ARRB2: variants seen among roughly 807,000 people sequenced by gnomAD.
ARRB2 encodes arrestin beta 2, also known as beta-arrestin-2.
A neutral mutation model predicts 53.4 loss-of-function variants in ARRB2; 21 were observed. That is an observed-to-expected ratio of 0.39 (90% CI 0.28 to 0.57). The LOEUF is 0.57. Ranked by LOEUF, ARRB2 falls within the 20% of genes least tolerant of loss-of-function variation. ARRB2 has a pLI of 0.55. For synonymous variants in ARRB2, 180 were observed against 212.9 expected (o/e 0.85, Z 1.34); for missense variants, 369 against 527.5 (o/e 0.70, Z 2.94).
At chr17:4,712,567 A>C (rs962076964) in intron 1 of ARRB2, among the ~76,000 whole-genome samples, 2 of 152,218 alleles carry the variant, frequency 1.3e-5, no homozygotes, top group Non-Finnish European at 2.9e-5. Context: ...GCAGGATTTC[A>C]CGTTTCTGCT....
chr17:4,719,268 T>C lies in ARRB2; in HGVS notation c.780-15T>C. ...AGCGCCCCTAAGCATCTTGTTCTCT[T>C]GTCCCCACCCCCAGTGACCAGGTAT... On this transcript the variant is annotated splice_polypyrimidine_tract_variant and intron_variant, in intron 10 of 14. Coordinates refer to ENST00000269260, the MANE Select transcript of ARRB2 (RefSeq NM_004313.4). 1 of 1,606,210 alleles carries C rather than the reference T, an allele frequency of 6.2e-7. No homozygotes were observed. Among genetic ancestry groups the C allele is most frequent in the Non-Finnish European group, 8.5e-7 (1 of 1,174,708 alleles).
Position 4,719,541 on chromosome 17 carries a change from C to T in ARRB2, c.917+121C>T, listed in dbSNP as rs1030229628. The T allele has an allele frequency of 1.1e-5, 16 of 1,402,332 alleles. No individual in the cohort carries two copies. In the African/African-American group the frequency reaches 1.9e-4, roughly 16 times the overall value. 86.9% of individuals were successfully genotyped at this position (1,402,332 alleles called of 1,614,324 possible). On this transcript the variant is annotated intron_variant, in intron 11 of 14. Coordinates refer to ENST00000269260, the MANE Select transcript of ARRB2 (RefSeq NM_004313.4). ...AAGAGACAAAAAGAACTCTTACATT[C>T]TAGGGGAGGGAGGATAGCCAAATCT... is the stretch of plus-strand genomic sequence containing the variant.
Position 4,717,742 on chromosome 17 carries a change from A to G in ARRB2, c.475A>G (p.Ser159Gly). 1 of 1,612,938 alleles carries G rather than the reference A, an allele frequency of 6.2e-7. No individual in the cohort carries two copies. Among genetic ancestry groups the G allele is most frequent in the Non-Finnish European group, 8.5e-7 (1 of 1,179,568 alleles). ...AFCAKSLEEK[S>G]HKRNSVRLVI... Reference sequence around the variant, plus strand: ...CTGTGCTAAATCACTAGAAGAGAAAAGCCACAAAAGGTAAGGGAAGTGACC... The same window carrying G: ...CTGTGCTAAATCACTAGAAGAGAAAGGCCACAAAAGGTAAGGGAAGTGACC... The change falls in exon 7 of 15, where the codon AGC becomes GGC. Residue 159 changes from serine to glycine, a missense_variant. Physicochemically the swap from Ser to Gly is moderately conservative, Grantham distance 56. Coordinates refer to ENST00000269260, the MANE Select transcript of ARRB2 (RefSeq NM_004313.4). This position sits in a 1 kb window ranked among gnomAD's most constrained non-coding sequence, Gnocchi z 6.0.
At chr17:4,715,655 A>C in intron 2 of ARRB2, 1 of 429,436 alleles carries the variant, frequency 2.3e-6, no homozygotes, top group South Asian at 2.4e-5. Context: ...ACACACATGC[A>C]CATACATGTT....
At chr17:4,715,388 C>G in intron 2 of ARRB2, 1 of 369,662 alleles carries the variant, frequency 2.7e-6, no homozygotes, top group Non-Finnish European at 5.0e-6. Context: ...CCTATTTATC[C>G]TAGAGCCCCT....
At chr17:4,712,784 A>G (rs888976915) in intron 1 of ARRB2, among the ~76,000 whole-genome samples, 2 of 152,254 alleles carry the variant, frequency 1.3e-5, no homozygotes, top group African/African-American at 4.8e-5. Context: ...CAAACTATTT[A>G]TGCCAACTGC....
rs1393978434 is a variant in ARRB2, at chr17:4,715,715, AC to A, written c.55-257del. Reference sequence around the variant, plus strand: ...TGAGGACACACACACACACACACACACACACACACAAACACACACACACCGG... The same window carrying A: ...TGAGGACACACACACACACACACACAACACACACAAACACACACACACCGG... On this transcript the variant is annotated intron_variant, in intron 2 of 14. Transcript: ENST00000269260. The A allele has an allele frequency of 1.3e-4, 61 of 460,274 alleles. 2 individuals carry two copies. The highest frequency in any genetic ancestry group is 8.7e-4 in the Admixed American group (23 of 26,540). The allele number at this position is 460,274 out of a possible 1,614,324, so 28.5% of individuals were successfully genotyped here.
At chr17:4,715,631 G>T in intron 2 of ARRB2, 1 of 372,066 alleles carries the variant, frequency 2.7e-6, no homozygotes, top group Non-Finnish European at 5.0e-6. Flanking sequence ...AGTCCTCCCT[G>T]AGGACACACA....
At chr17:4,720,693 A>C in intron 14 of ARRB2, 53 bp downstream of exon 14, 3 of 1,426,184 alleles carry the variant, frequency 2.1e-6, no homozygotes, top group Non-Finnish European at 2.9e-6. Flanking sequence ...TTCCTATAAC[A>C]TTCAAATCTG....
chr17:4,716,678 C>A, intron 5 of ARRB2, 70 bp downstream of exon 5: 1 of 1,524,776 alleles, frequency 6.6e-7, no homozygotes, highest in South Asian at 1.2e-5. Context: ...GGGGGTAAGG[C>A]ACTGCTGTGG....
intron 14 of ARRB2, 27 bp from the exon 15 acceptor site, chr17:4,720,919 C>T: frequency 6.2e-7 from 1 of 1,610,140 alleles, no homozygotes; most frequent in Non-Finnish European, 8.5e-7. Flanking sequence ...AAGCCCTCAC[C>T]TCACAACCCT....
Position 4,718,309 on chromosome 17 carries a change from A to G in ARRB2, c.670A>G (p.Asn224Asp). ...CAATGTAAATGTCCACGTCACCAAC[A>G]ACTCCACCAAGACCGTCAAGAAGAT... is the stretch of plus-strand genomic sequence containing the variant. ...PLNVNVHVTNNSTKTVKKIKV... is the reference protein window; with the variant it reads ...PLNVNVHVTNDSTKTVKKIKV... The change falls in exon 9 of 15, where the codon AAC becomes GAC. Residue 224 changes from asparagine to aspartate, a missense_variant. By Grantham distance (23) the Asn-to-Asp change is conservative. Transcript: ENST00000269260. 1 of 1,612,500 alleles carries G rather than the reference A, an allele frequency of 6.2e-7. No homozygotes were observed. The highest frequency in any genetic ancestry group is 8.5e-7 in the Non-Finnish European group (1 of 1,179,368).
At position 4,717,837 on chromosome 17, in the gene ARRB2, A is replaced by G. The variant is rs555720035; in HGVS notation, c.486-51A>G. On this transcript the variant is annotated intron_variant, in intron 7 of 14. Transcript: ENST00000269260. This position sits in a 1 kb window ranked among gnomAD's most constrained non-coding sequence, Gnocchi z 6.0. Reference sequence around the variant, plus strand: ...CCCAGGCCCCGTGCGGGGGAGGAGTAGGGTTGGGGTGTGTGAGGAATGACC... The same window carrying G: ...CCCAGGCCCCGTGCGGGGGAGGAGTGGGGTTGGGGTGTGTGAGGAATGACC... 5 of 1,613,838 alleles carry G rather than the reference A, an allele frequency of 3.1e-6. No individual in the cohort carries two copies. The highest frequency in any genetic ancestry group is 1.6e-4 in the Middle Eastern group (1 of 6,062).
At chr17:4,713,132 G>A (rs1914599302) in intron 1 of ARRB2, among the ~76,000 whole-genome samples, 1 of 152,018 alleles carries the variant, frequency 6.6e-6, no homozygotes, top group Non-Finnish European at 1.5e-5. Context: ...TGAGGCGGGT[G>A]GATCACCTGA....
chr17:4,716,357 C>A (rs1915028299), intron 4 of ARRB2, 55 bp from the exon 5 acceptor site: 1 of 1,613,644 alleles, frequency 6.2e-7, no homozygotes, highest in East Asian at 2.2e-5. Flanking sequence ...CTGCTAGGTG[C>A]CAGGGGACTG....
intron 11 of ARRB2, 148 bp downstream of exon 11, chr17:4,719,568 A>G: frequency 8.3e-7 from 1 of 1,198,494 alleles, no homozygotes. Flanking sequence ...GCCAAATCTG[A>G]TCAGTGGTCA....
intron 1 of ARRB2, among the ~76,000 whole-genome samples, chr17:4,712,891 G>C (rs1597472363): frequency 6.6e-6 from 1 of 152,322 alleles, no homozygotes; most frequent in East Asian, 1.9e-4. Flanking sequence ...CTGTGACCTT[G>C]AAACACTTGA....
chr17:4,714,733 A>G (rs111970098), intron 1 of ARRB2: 28 of 1,574 alleles, frequency 0.018, no homozygotes, highest in African/African-American at 0.098. Flanking sequence ...CCACCACGTT[A>G]GAAATAGGAA....
intron 1 of ARRB2, among the ~76,000 whole-genome samples, chr17:4,711,601 C>T (rs1045390289): frequency 6.6e-6 from 1 of 152,116 alleles, no homozygotes; most frequent in Non-Finnish European, 1.5e-5. Flanking sequence ...TGCAAAACAT[C>T]ATATCAACCC....
Sources: gnomAD v4.1 joint callset for allele counts (sites outside exome capture counted in the v4.1 genomes callset) on GRCh38, gnomAD v4.1.1 for gene constraint, Gnocchi (gnomAD v3.1) non-coding constraint, MANE v1.5 for transcripts, NCBI Gene and HGNC (gene_info 2026-07-23, HGNC 2026-07-21) for gene names.